The following ABR variants were observed in gnomAD, a reference collection of about 807,000 sequenced individuals.
The protein encoded by ABR is ABR activator of RhoGEF and GTPase.
ABR carries 35 observed loss-of-function variants against 107.2 expected under a neutral mutation model. The ratio of observed to expected loss-of-function variants is 0.33; its 90% CI spans 0.25 to 0.43. ABR has a LOEUF of 0.43. Ranked by LOEUF, ABR falls within the 20% of genes least tolerant of loss-of-function variation. The pLI, the probability that ABR is intolerant of heterozygous loss-of-function variation, is 1.00. For synonymous variants in ABR, 498 were observed against 462.0 expected (o/e 1.08, Z -1.00); for missense variants, 815 against 1,115.2 (o/e 0.73, Z 3.83).
chr17:1,155,114 G>C (rs1303254955), intron 1 of ABR, among the ~76,000 whole-genome samples: 1 of 152,046 alleles, frequency 6.6e-6, no homozygotes. Flanking sequence ...TTCAGCTCTG[G>C]GATGTCCCAG....
intron 1 of ABR, among the ~76,000 whole-genome samples, chr17:1,217,666 AT>A (rs1433368821): frequency 6.6e-6 from 1 of 152,166 alleles, no homozygotes; most frequent in East Asian, 1.9e-4. Context: ...AACCCAGGCA[AT>A]GTGGTCCTAG....
intron 14 of ABR, among the ~76,000 whole-genome samples, chr17:1,054,745 G>C (rs62069678): frequency 0.75 from 37,124 of 49,688 alleles, 15,058 homozygotes; most frequent in East Asian, 0.81. Flanking sequence ...CAAGGAACCT[G>C]AGGGGATGTG....
intron 10 of ABR, among the ~76,000 whole-genome samples, chr17:1,062,854 T>C (rs1157854620): frequency 6.9e-6 from 1 of 144,040 alleles, no homozygotes; most frequent in Non-Finnish European, 1.6e-5. Context: ...AACTGAGGGC[T>C]ATGCATGTTC....
Position 1,199,119 on chromosome 17 carries a change from C to T in ABR, c.838+29674G>A, listed in dbSNP as rs577265887. ...CCTATCTCCTCCCAGACCTTCATTC[C>T]TCTGAGGGGGCCGGGGAAGGTGTGA... On this transcript the variant is annotated intron_variant, in intron 1 of 22. Coordinates refer to the ABR transcript ENST00000574139. 1.0e-3 allele frequency among the ~76,000 whole-genome samples: 154 copies of T among 149,768 alleles called. 4 individuals carry two copies. Among genetic ancestry groups the T allele is most frequent in the Middle Eastern group, 6.9e-3 (2 of 288 alleles).
chr17:1,176,144 G>A (rs923284271), intron 1 of ABR, among the ~76,000 whole-genome samples: 2 of 151,822 alleles, frequency 1.3e-5, no homozygotes, highest in Non-Finnish European at 2.9e-5. Context: ...TGGCAGGCTG[G>A]CACCTTAGGA....
chr17:1,007,261 G>A lies in ABR; in HGVS notation c.2394C>T (p.Thr798=), dbSNP rs765072551. Residue 798 remains threonine, a synonymous_variant, in exon 22 of 23, where the codon ACC becomes ACT. Transcript: ENST00000302538. ...GTCTCAGTAACGTGGGTCCAAACACGGTAGCCAGGTTGTGAAGTGACATTT... is the reference window on the plus strand; with the variant it reads ...GTCTCAGTAACGTGGGTCCAAACACAGTAGCCAGGTTGTGAAGTGACATTT... ...INKMSLHNLA[T]VFGPTLLRPS... 2.5e-5 allele frequency: 41 copies of A among 1,614,036 alleles called. 1 individual carries two copies. The highest frequency in any genetic ancestry group is 3.2e-5 in the Non-Finnish European group (38 of 1,180,006).
intron 1 of ABR, among the ~76,000 whole-genome samples, chr17:1,224,452 T>TTC (rs2043178320): frequency 6.6e-6 from 1 of 152,176 alleles, no homozygotes; most frequent in African/African-American, 2.4e-5. Flanking sequence ...GCCTCACGTG[T>TTC]TCTCTCTCTG....
chr17:1,189,980 A>T (rs2042397183), upstream of ABR, among the ~76,000 whole-genome samples: 1 of 152,240 alleles, frequency 6.6e-6, no homozygotes, highest in Admixed American at 6.5e-5. Flanking sequence ...TGTTCCACCC[A>T]GCCCACCTCC....
chr17:1,048,052 A>G (rs969384525), intron 16 of ABR, among the ~76,000 whole-genome samples: 10 of 152,180 alleles, frequency 6.6e-5, no homozygotes, highest in African/African-American at 2.4e-4. Flanking sequence ...TGCACAGGCC[A>G]GCCCAGAACC....
At chr17:1,030,916 G>A (rs10902641) in intron 16 of ABR, among the ~76,000 whole-genome samples, 129,835 of 152,306 alleles carry the variant, frequency 0.85, 55,855 homozygotes, top group East Asian at 1. Context: ...TCTTCCTCAC[G>A]TGCCTGATGC....
chr17:1,029,965 A>AGACGACCCTCCGTCCAC (rs1567610186), intron 16 of ABR, among the ~76,000 whole-genome samples: 10 of 151,662 alleles, frequency 6.6e-5, no homozygotes, highest in Admixed American at 1.3e-4. Flanking sequence ...ACACTGTGGC[A>AGACGACCCTCCGTCCAC]CACAGCACAC....
chr17:1,167,209 TGGC>T (rs1410326576), intron 1 of ABR, among the ~76,000 whole-genome samples: 4 of 152,004 alleles, frequency 2.6e-5, no homozygotes, highest in Non-Finnish European at 5.9e-5. Context: ...CCCCTTCTGA[TGGC>T]CCTTCTGCCC....
intron 4 of ABR, among the ~76,000 whole-genome samples, chr17:1,087,498 A>T (rs1307648309): frequency 6.6e-6 from 1 of 151,676 alleles, no homozygotes; most frequent in Non-Finnish European, 1.5e-5. Flanking sequence ...TCTCAGCTGC[A>T]GAAGGGCAGG....
chr17:1,177,048 C>T (rs1402761368), intron 1 of ABR, among the ~76,000 whole-genome samples: 2 of 152,030 alleles, frequency 1.3e-5, no homozygotes, highest in African/African-American at 4.8e-5. Context: ...ACCCTGTGCC[C>T]TGGGTATACC....
At chr17:1,114,253 T>C (rs1456989885) in intron 2 of ABR, among the ~76,000 whole-genome samples, 1 of 150,486 alleles carries the variant, frequency 6.6e-6, no homozygotes, top group Non-Finnish European at 1.5e-5. Flanking sequence ...GTAGATCACT[T>C]GAGTTCAGGA....
chr17:1,068,762 G>A (rs573248637), intron 9 of ABR, among the ~76,000 whole-genome samples: 13 of 152,066 alleles, frequency 8.5e-5, no homozygotes, highest in South Asian at 8.3e-4. Context: ...GAGTTTGCAC[G>A]TCAGCTTGGG....
intron 6 of ABR, among the ~76,000 whole-genome samples, chr17:1,077,783 A>C (rs1481832612): frequency 6.6e-6 from 1 of 152,174 alleles, no homozygotes; most frequent in Non-Finnish European, 1.5e-5. Context: ...GCAGAGCCGA[A>C]ACACCTGGTG....
chr17:1,067,304 T>C (rs1465376489), intron 9 of ABR, 62 bp from the exon 10 acceptor site: 1 of 1,472,486 alleles, frequency 6.8e-7, no homozygotes, highest in Non-Finnish European at 9.0e-7. Flanking sequence ...GCCTCAACTC[T>C]TGGGTCCAGA....
intron 16 of ABR, among the ~76,000 whole-genome samples, chr17:1,025,702 A>G (rs2072140194): frequency 6.6e-6 from 1 of 152,182 alleles, no homozygotes; most frequent in African/African-American, 2.4e-5. Context: ...GATCCTCTCA[A>G]GCCAGGCATC....
Sources: gnomAD v4.1 joint callset for allele counts (sites outside exome capture counted in the v4.1 genomes callset) on GRCh38, gnomAD v4.1.1 for gene constraint, MANE v1.5 for transcripts, NCBI Gene and HGNC (gene_info 2026-07-23, HGNC 2026-07-21) for gene names.